Variants in ADGRA1 observed in about 807,000 individuals in gnomAD.
ADGRA1 encodes the protein G-protein coupled receptor 123.
In ADGRA1, 12 loss-of-function variants were observed where a neutral mutation model predicts 21.3. That is an observed-to-expected ratio of 0.56 (90% CI 0.36 to 0.91). The LOEUF is 0.91. Among genes scored for constraint, ADGRA1 ranks in the 40% least tolerant of loss-of-function variants. ADGRA1 has a pLI of 0.01. For missense variants in ADGRA1, 790 were observed against 805.6 expected (o/e 0.98, Z 0.23); for synonymous variants, 385 against 368.8 (o/e 1.04, Z -0.50).
chr10:133,098,706 C>G lies in ADGRA1; in HGVS notation c.198C>G (p.Thr66=). Reference sequence around the variant, plus strand: ...ATTTCTGCTTCCACGCGGCCCTGACCTTCACTGTGTTCGCCGGCGGCATCA... The same window carrying G: ...ATTTCTGCTTCCACGCGGCCCTGACGTTCACTGTGTTCGCCGGCGGCATCA... ...LLNFCFHAAL[T]FTVFAGGINR... is the part of the protein sequence containing the mutation. Residue 66 remains threonine, a synonymous_variant, in exon 4 of 7, where the codon ACC becomes ACG. Coordinates refer to ENST00000392607, the MANE Select transcript of ADGRA1 (RefSeq NM_001083909.3). The G allele has an allele frequency of 1.2e-6, 2 of 1,611,988 alleles. No individual in the cohort carries two copies. Among genetic ancestry groups the G allele is most frequent in the Non-Finnish European group, 1.7e-6 (2 of 1,179,976 alleles).
At chr10:133,112,428 GTCGGTTAT>G (rs1852057962) in intron 5 of ADGRA1, among the ~76,000 whole-genome samples, 1 of 141,384 alleles carries the variant, frequency 7.1e-6, no homozygotes, top group Non-Finnish European at 1.5e-5. Context: ...TGCGGGCCAT[GTCGGTTAT>G]TTGGGGTCTA....
At chr10:133,126,763 CCTT>C (rs1471267216) in intron 5 of ADGRA1, among the ~76,000 whole-genome samples, 24 of 152,218 alleles carry the variant, frequency 1.6e-4, no homozygotes, top group Non-Finnish European at 3.2e-4. Context: ...GGCCCTCCGA[CCTT>C]CTTCCCCTGA....
In ADGRA1 at chr10:133,092,839, GGGAAGGAA is replaced by G. The variant is rs879206917; in HGVS notation, c.3+3960_3+3967del. ...GGGAAGGAAGGAAGAGAGGGAGGGAGGGAAGGAAGGAAGGAAGGAAGGAAGGAAGGAAG... is the reference window on the plus strand; with the variant it reads ...GGGAAGGAAGGAAGAGAGGGAGGGAGGGAAGGAAGGAAGGAAGGAAGGAAG... On this transcript the variant is annotated intron_variant, in intron 2 of 6. Coordinates refer to ENST00000392607, the MANE Select transcript of ADGRA1 (RefSeq NM_001083909.3). 3.1e-3 allele frequency among the ~76,000 whole-genome samples: 231 copies of G among 75,652 alleles called. 1 individual carries two copies. The highest frequency in any genetic ancestry group is 4.4e-3 in the Admixed American group (32 of 7,314). 49.6% of individuals were successfully genotyped at this position (75,652 alleles called of 152,430 possible). A position where few individuals can be genotyped will look rare whatever the true frequency, so the allele number is the denominator to read the frequency against.
At chr10:133,127,636 G>C (rs1376987394) in intron 6 of ADGRA1, among the ~76,000 whole-genome samples, 1 of 152,116 alleles carries the variant, frequency 6.6e-6, no homozygotes, top group Non-Finnish European at 1.5e-5. Flanking sequence ...AGCTGAGAAG[G>C]GAAACCCCAT....
intron 5 of ADGRA1, among the ~76,000 whole-genome samples, chr10:133,110,682 C>T (rs1851972307): frequency 1.3e-5 from 2 of 152,228 alleles, no homozygotes; most frequent in Admixed American, 6.5e-5. Flanking sequence ...AAATATTATG[C>T]ACCCTGAGCT....
Position 133,098,432 on chromosome 10 carries a change from G to T in ADGRA1, c.132-208G>T, listed in dbSNP as rs544811174. Among the ~76,000 whole-genome samples the T allele has an allele frequency of 2.0e-5, 3 of 152,164 alleles. No homozygotes were observed. In the East Asian group the frequency reaches 5.8e-4, roughly 29 times the overall value. On this transcript the variant is annotated intron_variant, in intron 3 of 6. Coordinates refer to ENST00000392607, the MANE Select transcript of ADGRA1 (RefSeq NM_001083909.3). ...TCCAGCGTCAGTGTGCCAGGGTGAC[G>T]TAAGGCAGAACTTTCCAGTGGCCGT...
intron 4 of ADGRA1, among the ~76,000 whole-genome samples, chr10:133,102,014 C>T (rs1219615101): frequency 6.6e-6 from 1 of 152,242 alleles, no homozygotes; most frequent in African/African-American, 2.4e-5. Flanking sequence ...ACATTTATGT[C>T]CTTTCCAATT....
intron 5 of ADGRA1, among the ~76,000 whole-genome samples, chr10:133,111,997 C>T (rs866967655): frequency 8.1e-6 from 1 of 123,364 alleles, no homozygotes; most frequent in African/African-American, 3.3e-5. Context: ...CCTAATGCCT[C>T]CAGACCACCT....
At chr10:133,106,235 G>T (rs968201860) in intron 5 of ADGRA1, among the ~76,000 whole-genome samples, 1 of 152,194 alleles carries the variant, frequency 6.6e-6, no homozygotes, top group African/African-American at 2.4e-5. Context: ...TCTGGGGGGC[G>T]CCGGAGCCCC....
chr10:133,127,586 G>A (rs1025445429), intron 6 of ADGRA1, among the ~76,000 whole-genome samples: 1 of 152,116 alleles, frequency 6.6e-6, no homozygotes, highest in Non-Finnish European at 1.5e-5. Flanking sequence ...TATGGGAGGG[G>A]CCTGGGGACA....
At chr10:133,098,555 A>G (rs914785229) in intron 3 of ADGRA1, 85 bp from the exon 4 acceptor site, 9 of 1,510,356 alleles carry the variant, frequency 6.0e-6, no homozygotes, top group Middle Eastern at 2.4e-4. Flanking sequence ...TCCCGGGGAC[A>G]GAGCCTGCGC....
At chr10:133,110,079 T>C (rs1353996496) in intron 5 of ADGRA1, among the ~76,000 whole-genome samples, 1 of 152,178 alleles carries the variant, frequency 6.6e-6, no homozygotes. Flanking sequence ...CACAGAAGGA[T>C]ACACCACAGG....
chr10:133,125,819 A>G (rs1232435544), intron 5 of ADGRA1, among the ~76,000 whole-genome samples: 1 of 152,220 alleles, frequency 6.6e-6, no homozygotes, highest in African/African-American at 2.4e-5. Flanking sequence ...TTCTCTTCAT[A>G]TAACATATTT....
chr10:133,106,515 A>G (rs1364815368), intron 5 of ADGRA1, among the ~76,000 whole-genome samples: 1 of 152,128 alleles, frequency 6.6e-6, no homozygotes, highest in Non-Finnish European at 1.5e-5. Context: ...CCATCCACCC[A>G]CATGCATCCC....
intron 5 of ADGRA1, among the ~76,000 whole-genome samples, chr10:133,116,589 G>A (rs866982759): frequency 2.8e-4 from 42 of 151,298 alleles, no homozygotes; most frequent in Non-Finnish European, 4.7e-4. Context: ...ACCCACAGGC[G>A]TCCTCTCCCC....
intron 2 of ADGRA1, among the ~76,000 whole-genome samples, chr10:133,092,590 A>G (rs896202643): frequency 5.0e-4 from 76 of 152,138 alleles, no homozygotes; most frequent in African/African-American, 1.8e-3. Context: ...AGATGCAATT[A>G]TTATTTAAAA....
rs558443239 is a variant in ADGRA1, at chr10:133,110,142, CA to C, written c.401+7303del. Among the ~76,000 whole-genome samples, 295 of 152,376 alleles carry C rather than the reference CA, an allele frequency of 1.9e-3. 2 individuals are homozygous for C. The highest frequency in any genetic ancestry group is 6.5e-3 in the African/African-American group (270 of 41,592). On this transcript the variant is annotated intron_variant, in intron 5 of 6. Transcript: ENST00000392607. Reference sequence around the variant, plus strand: ...GGTCCAAGACTCCAGGTGCCGTCTCCAAAGTTCTCCTGTCCTGGGAGACGGC... The same window carrying C: ...GGTCCAAGACTCCAGGTGCCGTCTCCAAGTTCTCCTGTCCTGGGAGACGGC...
intron 6 of ADGRA1, among the ~76,000 whole-genome samples, chr10:133,127,791 G>T (rs1175069366): frequency 4.3e-5 from 2 of 46,428 alleles, no homozygotes; most frequent in Admixed American, 2.8e-4. Flanking sequence ...ACCTCCGCCT[G>T]GCCCCGCCCA....
At chr10:133,088,308 CGCCCG>C (rs1389705705) in intron 1 of ADGRA1, 170 bp downstream of exon 1, 2 of 186,786 alleles carry the variant, frequency 1.1e-5, no homozygotes, top group Non-Finnish European at 2.0e-5. Context: ...CCGCCCCGCG[CGCCCG>C]GCCCGGAGCT....
Sources: gnomAD v4.1 joint callset for allele counts (sites outside exome capture counted in the v4.1 genomes callset) on GRCh38, gnomAD v4.1.1 for gene constraint, MANE v1.5 for transcripts, NCBI Gene and HGNC (gene_info 2026-07-23, HGNC 2026-07-21) for gene names.